Variants in UTS2B observed in about 807,000 individuals in gnomAD.
UTS2B encodes the protein urotensin 2B.
Under a neutral mutation model 19.2 loss-of-function variants are expected in UTS2B, and 21 were observed. That is an observed-to-expected ratio of 1.09 (90% CI 0.78 to 1.58). UTS2B has a LOEUF of 1.58. UTS2B is among the 40% of genes most tolerant of loss of function. The probability of loss-of-function intolerance (pLI) is 0.00; values close to 1 mark genes in which losing one functional copy is unlikely to be tolerated. For missense variants in UTS2B, 138 were observed against 130.3 expected (o/e 1.06, Z -0.29); for synonymous variants, 57 against 50.2 (o/e 1.14, Z -0.58).
At chr3:191,298,236 A>G (rs1296515701) in intron 4 of UTS2B, among the ~76,000 whole-genome samples, 1 of 152,114 alleles carries the variant, frequency 6.6e-6, no homozygotes, top group Non-Finnish European at 1.5e-5. Flanking sequence ...GAATTCCAAA[A>G]AAAACAGTCA....
chr3:191,344,316 T>C, the UTS2B span, among the ~76,000 whole-genome samples: 1 of 152,234 alleles, frequency 6.6e-6, no homozygotes, highest in Non-Finnish European at 1.5e-5. Context: ...ACTGTGATGA[T>C]GCAAACGTTC....
intron 4 of UTS2B, among the ~76,000 whole-genome samples, chr3:191,288,923 A>AATAG (rs1716630122): frequency 1.3e-5 from 2 of 151,590 alleles, no homozygotes. Flanking sequence ...CAAAAGCAAA[A>AATAG]ACAAACGAGA....
chr3:191,314,610 T>C (rs1717397665), intron 3 of UTS2B, among the ~76,000 whole-genome samples: 2 of 152,146 alleles, frequency 1.3e-5, no homozygotes, highest in South Asian at 2.1e-4. Context: ...CTATGTAGCT[T>C]TGAGGAGTGT....
chr3:191,322,907 C>G (rs12496797), intron 2 of UTS2B, among the ~76,000 whole-genome samples: 6 of 152,194 alleles, frequency 3.9e-5, no homozygotes, highest in Admixed American at 3.9e-4. Flanking sequence ...CTTGGAACTT[C>G]TTGGACCTGC....
chr3:191,282,629 G>C (rs1252421348), intron 4 of UTS2B, among the ~76,000 whole-genome samples: 1 of 152,170 alleles, frequency 6.6e-6, no homozygotes, highest in Non-Finnish European at 1.5e-5. Context: ...AAAGCTGAGA[G>C]CATAGAGGGC....
In UTS2B at chr3:191,294,908, G is replaced by A. The variant is rs1006951734; in HGVS notation, c.-125+9584C>T. Among the ~76,000 whole-genome samples, 13 of 151,734 alleles carry A rather than the reference G, an allele frequency of 8.6e-5. 1 individual carries two copies. The highest frequency in any genetic ancestry group is 3.9e-4 in the Admixed American group (6 of 15,246). ...TAGCCGGGCATGTTGGCAGGCGCCT[G>A]TAGTCCCAGCTACTCAGGAGGCTTA... On this transcript the variant is annotated intron_variant, in intron 4 of 8. Transcript: ENST00000340524.
At chr3:191,293,780 G>A (rs1716777976) in intron 4 of UTS2B, among the ~76,000 whole-genome samples, 1 of 151,868 alleles carries the variant, frequency 6.6e-6, no homozygotes, top group Non-Finnish European at 1.5e-5. Context: ...CTTCAATAGT[G>A]GTTGAGAACA....
At chr3:191,319,588 G>A (rs1381937637) in intron 2 of UTS2B, among the ~76,000 whole-genome samples, 3 of 152,016 alleles carry the variant, frequency 2.0e-5, no homozygotes, top group Admixed American at 2.0e-4. Context: ...GGCTGGGCAT[G>A]GTGACTCTTA....
At chr3:191,333,345 G>A (rs766290853), upstream of UTS2B, among the ~76,000 whole-genome samples, 4 of 152,216 alleles carry the variant, frequency 2.6e-5, no homozygotes, top group African/African-American at 4.8e-5. Flanking sequence ...AGTTAATGGC[G>A]TACATCCAGA....
intron 6 of UTS2B, 128 bp downstream of exon 6, chr3:191,277,944 C>A (rs1174571050): frequency 4.0e-6 from 2 of 505,756 alleles, no homozygotes; most frequent in African/African-American, 2.0e-5. Flanking sequence ...TCACTTAAAT[C>A]TTTAGTGTAG....
chr3:191,298,209 T>C lies in UTS2B; in HGVS notation c.-125+6283A>G, dbSNP rs546604922. On this transcript the variant is annotated intron_variant, in intron 4 of 8. Coordinates refer to ENST00000340524, the MANE Select transcript of UTS2B (RefSeq NM_198152.5). ...CAATAATAGACCCACAATAACCTTG[T>C]GAAAAATGTATACATTGAATTCCAA... is the stretch of plus-strand genomic sequence containing the variant. Among the ~76,000 whole-genome samples the C allele has an allele frequency of 2.0e-5, 3 of 151,344 alleles. No individual in the cohort carries two copies. In the East Asian group the frequency reaches 5.8e-4, roughly 29 times the overall value.
At chr3:191,287,952 TA>T in intron 4 of UTS2B, among the ~76,000 whole-genome samples, 1 of 152,136 alleles carries the variant, frequency 6.6e-6, no homozygotes, top group South Asian at 2.1e-4. Flanking sequence ...AGTTGCAGGA[TA>T]CAAAATCTAT....
rs1198232712 is a variant in UTS2B at position 191,329,734 on chromosome 3, C to T, written c.-665+680G>A. On this transcript the variant is annotated intron_variant, in intron 1 of 8. Transcript: ENST00000340524. ...CTGGAGTCAAGGAAGGTAAGGGCCC[C>T]GGAGGGAGAGCGCGCGGGACCCTCC... 4.4e-6 allele frequency: 7 copies of T among 1,607,996 alleles called. No individual in the cohort carries two copies. In the African/African-American group the frequency reaches 5.3e-5, roughly 12 times the overall value.
intron 4 of UTS2B, among the ~76,000 whole-genome samples, chr3:191,289,384 G>A (rs2572061): frequency 0.59 from 88,776 of 150,310 alleles, 26,788 homozygotes; most frequent in Middle Eastern, 0.66. Context: ...ACTCCGGCCT[G>A]GGCAACAGAC....
chr3:191,309,504 A>G (rs998333496), intron 3 of UTS2B, among the ~76,000 whole-genome samples: 2 of 151,674 alleles, frequency 1.3e-5, no homozygotes, highest in Non-Finnish European at 2.9e-5. Context: ...TCAATTTAAT[A>G]TTTTCAAGTT....
chr3:191,342,776 T>G, the UTS2B span, among the ~76,000 whole-genome samples: 1 of 152,204 alleles, frequency 6.6e-6, no homozygotes, highest in African/African-American at 2.4e-5. Flanking sequence ...GGAATAAAAA[T>G]AAAATGAATT....
chr3:191,311,572 A>T (rs1265179117), intron 3 of UTS2B, among the ~76,000 whole-genome samples: 1 of 152,182 alleles, frequency 6.6e-6, no homozygotes, highest in African/African-American at 2.4e-5. Context: ...TTCCCATGGT[A>T]CTATTCCAAC....
intron 4 of UTS2B, among the ~76,000 whole-genome samples, chr3:191,303,602 C>T (rs189946412): frequency 4.4e-4 from 66 of 151,300 alleles, no homozygotes; most frequent in African/African-American, 1.4e-3. Flanking sequence ...TATCATGTTA[C>T]GAGGTTTAAA....
intron 8 of UTS2B, among the ~76,000 whole-genome samples, chr3:191,270,467 G>C (rs1168744887): frequency 6.6e-6 from 1 of 152,116 alleles, no homozygotes; most frequent in Non-Finnish European, 1.5e-5. Flanking sequence ...CAAAGTAGTG[G>C]GATTGCAGGT....
Sources: allele counts gnomAD v4.1 joint callset (sites outside exome capture counted in the v4.1 genomes callset), GRCh38; gene constraint gnomAD v4.1.1; transcripts MANE v1.5; gene names NCBI Gene and HGNC (gene_info 2026-07-23, HGNC 2026-07-21).